CHMP3: variants seen among roughly 807,000 people sequenced by gnomAD.
CHMP3 encodes the protein 25.1 protein.
In CHMP3, 8 loss-of-function variants were observed where a neutral mutation model predicts 27.4. That is an observed-to-expected ratio of 0.29 (90% confidence interval 0.17 to 0.53). The LOEUF is 0.53. Ranked by LOEUF, CHMP3 falls within the 20% of genes least tolerant of loss-of-function variation. CHMP3 has a pLI of 0.96. For synonymous variants in CHMP3, 86 were observed against 85.5 expected, an observed-to-expected ratio of 1.01 and a Z score of -0.03; for missense variants, 208 against 271.5, an observed-to-expected ratio of 0.77 and a Z score of 1.64.
At chr2:86,532,638 GA>G (rs1403517171) in intron 2 of CHMP3, among the ~76,000 whole-genome samples, 1 of 152,044 alleles carries the variant, frequency 6.6e-6, no homozygotes, top group Non-Finnish European at 1.5e-5. Flanking sequence ...TTTTTAGCAT[GA>G]AAGGGTGCTA....
At chr2:86,539,174 C>A (rs1485939859) in intron 2 of CHMP3, among the ~76,000 whole-genome samples, 1 of 152,086 alleles carries the variant, frequency 6.6e-6, no homozygotes, top group African/African-American at 2.4e-5. Context: ...GTGATAAATC[C>A]TCACATGCTT....
intron 1 of CHMP3, among the ~76,000 whole-genome samples, chr2:86,545,665 G>A (rs181230044): frequency 0.01 from 1,500 of 149,324 alleles, 32 homozygotes; most frequent in African/African-American, 0.029. Context: ...CGGGGTGGCC[G>A]GGCAGAGGCA....
intron 1 of CHMP3, among the ~76,000 whole-genome samples, chr2:86,554,806 T>C (rs911695811): frequency 2.1e-5 from 2 of 96,636 alleles, no homozygotes; most frequent in African/African-American, 7.0e-5. Context: ...AGAATAAATG[T>C]GTGTGCGCGC....
At chr2:86,510,143 T>C (rs746250055) in intron 4 of CHMP3, among the ~76,000 whole-genome samples, 25 of 152,172 alleles carry the variant, frequency 1.6e-4, no homozygotes, top group Non-Finnish European at 3.2e-4. Flanking sequence ...GGGTAGACTT[T>C]TGCTTCTTCT....
intron 3 of CHMP3, chr2:86,511,546 T>C (rs1009476719): frequency 3.3e-5 from 5 of 151,516 alleles, no homozygotes; most frequent in Admixed American, 1.3e-4. Flanking sequence ...ATAAATTTAC[T>C]TTTATAAATT....
intron 1 of CHMP3, among the ~76,000 whole-genome samples, chr2:86,544,498 G>A (rs1414529129): frequency 2.0e-5 from 3 of 152,020 alleles, no homozygotes; most frequent in Admixed American, 6.5e-5. Flanking sequence ...GAGGCCTTCC[G>A]CAGTGTTTGT....
chr2:86,534,924 C>A (rs1676067575), intron 2 of CHMP3, among the ~76,000 whole-genome samples: 2 of 151,974 alleles, frequency 1.3e-5, no homozygotes, highest in Admixed American at 1.3e-4. Context: ...ATCCATTCTG[C>A]CAATTTGATT....
At chr2:86,509,513 G>T (rs984545242) in intron 4 of CHMP3, among the ~76,000 whole-genome samples, 3 of 152,176 alleles carry the variant, frequency 2.0e-5, no homozygotes, top group Admixed American at 6.5e-5. Context: ...GAGAGGAAGG[G>T]AGGTGATTTC....
chr2:86,516,334 C>A (rs1317548093), intron 3 of CHMP3, among the ~76,000 whole-genome samples: 1 of 151,982 alleles, frequency 6.6e-6, no homozygotes, highest in African/African-American at 2.4e-5. Context: ...AACATTTCAT[C>A]AAAGAGAATT....
intron 2 of CHMP3, among the ~76,000 whole-genome samples, chr2:86,531,927 T>G (rs1054358509): frequency 6.6e-6 from 1 of 152,164 alleles, no homozygotes; most frequent in African/African-American, 2.4e-5. Context: ...CTATTTTGAT[T>G]ATTTAGGGTC....
At chr2:86,512,386 G>A (rs1036705133) in intron 3 of CHMP3, 1 of 152,322 alleles carries the variant, frequency 6.6e-6, no homozygotes, top group African/African-American at 2.4e-5. Flanking sequence ...GAACTTCCCA[G>A]ACTCCAGAAC....
intron 2 of CHMP3, among the ~76,000 whole-genome samples, chr2:86,537,308 T>C (rs1676185728): frequency 6.6e-6 from 1 of 152,244 alleles, no homozygotes; most frequent in South Asian, 2.1e-4. Flanking sequence ...TTTTCAGCTC[T>C]GGAATTTTGG....
intron 1 of CHMP3, chr2:86,542,816 T>G (rs979503287): frequency 6.6e-6 from 1 of 152,538 alleles, no homozygotes; most frequent in Non-Finnish European, 1.5e-5. Context: ...GGCAAAAATT[T>G]CTGAAGCACT....
At position 86,558,975 on chromosome 2, in the gene CHMP3, C is replaced by A. The variant is rs76799828; in HGVS notation, c.45+4329G>T. Reference sequence around the variant, plus strand: ...CAGTTCTACAGAGAAAAAAGTATTTCCCATCTGTGATGGTTAATTTTAGGT... The same window carrying A: ...CAGTTCTACAGAGAAAAAAGTATTTACCATCTGTGATGGTTAATTTTAGGT... On this transcript the variant is annotated intron_variant, in intron 1 of 5. Transcript: ENST00000263856. Among the ~76,000 whole-genome samples the A allele has an allele frequency of 4.3e-3, 651 of 152,026 alleles. 43 individuals carry two copies. The East Asian group carries it at 0.11, about 27-fold the overall frequency.
intron 1 of CHMP3, among the ~76,000 whole-genome samples, chr2:86,554,694 A>G (rs534955918): frequency 1.3e-5 from 2 of 152,278 alleles, no homozygotes; most frequent in South Asian, 4.1e-4. Context: ...TCCCTTGTAC[A>G]TAGCCTAAAG....
intron 3 of CHMP3, among the ~76,000 whole-genome samples, chr2:86,519,754 T>C (rs368554979): frequency 1.7e-4 from 26 of 152,332 alleles, no homozygotes; most frequent in African/African-American, 6.3e-4. Flanking sequence ...GGAAAATATT[T>C]CATTTGAAAA....
intron 3 of CHMP3, among the ~76,000 whole-genome samples, chr2:86,518,486 G>C (rs2104754375): frequency 6.6e-6 from 1 of 152,072 alleles, no homozygotes; most frequent in South Asian, 2.1e-4. Flanking sequence ...AAAATAACTT[G>C]AAGCAGTTTA....
At chr2:86,554,814 CGCGT>C (rs1168369703) in intron 1 of CHMP3, among the ~76,000 whole-genome samples, 33 of 138,090 alleles carry the variant, frequency 2.4e-4, no homozygotes, top group South Asian at 6.6e-4. Flanking sequence ...TGTGTGTGCG[CGCGT>C]GTGTGTGTGT....
At chr2:86,561,446 A>G (rs975040514) in intron 1 of CHMP3, among the ~76,000 whole-genome samples, 2 of 152,174 alleles carry the variant, frequency 1.3e-5, no homozygotes, top group Non-Finnish European at 2.9e-5. Context: ...CAGCATCAAC[A>G]TCACCTGGGA....
Sources: gnomAD v4.1 joint callset for allele counts (sites outside exome capture counted in the v4.1 genomes callset) on GRCh38, gnomAD v4.1.1 for gene constraint, MANE v1.5 for transcripts, NCBI Gene and HGNC (gene_info 2026-07-23, HGNC 2026-07-21) for gene names.